SETMAR: variants seen among roughly 807,000 people sequenced by gnomAD.
SETMAR encodes the protein SET and mariner transposase domain methyltransferase.
A neutral mutation model predicts 58.4 loss-of-function variants in SETMAR; 44 were observed. The observed-to-expected ratio is 0.75, with a 90% confidence interval of 0.59 to 0.97. The LOEUF is 0.97. Among genes scored for constraint, SETMAR ranks in the 50% least tolerant of loss-of-function variants. SETMAR has a pLI of 0.00. For missense variants in SETMAR, 903 were observed against 840.2 expected (o/e 1.07, Z -0.92); for synonymous variants, 332 against 307.4 (o/e 1.08, Z -0.84).
chr3:4,310,207 A>G (rs535157350), intron 1 of SETMAR, among the ~76,000 whole-genome samples: 2 of 152,348 alleles, frequency 1.3e-5, no homozygotes, highest in Non-Finnish European at 2.9e-5. Context: ...TCGAAGTTTA[A>G]CCGCGTGGCA....
chr3:4,309,134 A>C (rs942344473), intron 1 of SETMAR, among the ~76,000 whole-genome samples: 11 of 152,212 alleles, frequency 7.2e-5, no homozygotes, highest in Admixed American at 6.5e-4. Context: ...GGTAAGATAA[A>C]GGGTTGTGGA....
At chr3:4,307,856 C>T (rs1049240554) in intron 1 of SETMAR, among the ~76,000 whole-genome samples, 1 of 152,058 alleles carries the variant, frequency 6.6e-6, no homozygotes, top group Non-Finnish European at 1.5e-5. Context: ...TAACAAAGGG[C>T]AACAAAGTGA....
At chr3:4,306,658 C>T (rs1698202990) in intron 1 of SETMAR, among the ~76,000 whole-genome samples, 1 of 152,234 alleles carries the variant, frequency 6.6e-6, no homozygotes, top group South Asian at 2.1e-4. Context: ...GTGCATTCAA[C>T]TCGTTTTCTT....
chr3:4,313,049 G>A lies in SETMAR; in HGVS notation c.308G>A (p.Arg103Lys). 6.2e-7 allele frequency: 1 copy of A among 1,613,982 alleles called. No individual in the cohort carries two copies. The highest frequency in any genetic ancestry group is 8.5e-7 in the Non-Finnish European group (1 of 1,179,954). ...AACTATGATGATAACTCATGCCTTA[G>A]AGATATAGGATCTGGAGGAAAGTAT... ...GENYDDNSCL[R>K]DIGSGGKYAE... is the part of the protein sequence containing the mutation. The change falls in exon 2 of 3, where the codon AGA becomes AAA. Residue 103 changes from arginine to lysine, a missense_variant. Coordinates refer to ENST00000358065, the MANE Select transcript of SETMAR (RefSeq NM_006515.4).
At chr3:4,310,881 G>T (rs1269327170) in intron 1 of SETMAR, among the ~76,000 whole-genome samples, 2 of 152,050 alleles carry the variant, frequency 1.3e-5, no homozygotes, top group South Asian at 2.1e-4. Context: ...TTAACAAAGA[G>T]ATCTTCATTT....
intron 1 of SETMAR, among the ~76,000 whole-genome samples, chr3:4,305,663 T>C (rs2125075652): frequency 6.6e-6 from 1 of 152,258 alleles, no homozygotes; most frequent in Non-Finnish European, 1.5e-5. Flanking sequence ...TGTTATTTGA[T>C]GTTATGCCAG....
At chr3:4,313,859 G>T in intron 2 of SETMAR, 98 bp downstream of exon 2, 2 of 1,557,210 alleles carry the variant, frequency 1.3e-6, no homozygotes, top group South Asian at 1.2e-5. Flanking sequence ...TTTAACTCAG[G>T]AATGTGGCAG....
intron 1 of SETMAR, among the ~76,000 whole-genome samples, chr3:4,312,098 T>TA: frequency 6.6e-6 from 1 of 152,320 alleles, no homozygotes; most frequent in East Asian, 1.9e-4. Context: ...TCTTTACAAG[T>TA]GTATATCTTT....
chr3:4,315,575 T>G (rs1197109218), intron 2 of SETMAR, among the ~76,000 whole-genome samples: 1 of 152,068 alleles, frequency 6.6e-6, no homozygotes, highest in African/African-American at 2.4e-5. Context: ...AAGGTAAGAG[T>G]CAAAGAGTCT....
chr3:4,316,556 G>A lies in SETMAR; in HGVS notation c.1365G>A (p.Lys455=). The A allele has an allele frequency of 6.4e-7, 1 of 1,556,224 alleles. No individual in the cohort carries two copies. Among genetic ancestry groups the A allele is most frequent in the Non-Finnish European group, 8.7e-7 (1 of 1,149,236 alleles). Residue 455 remains lysine, a synonymous_variant, in exon 3 of 3, where the codon AAG becomes AAA. Transcript: ENST00000358065. ...TGAAGCAAATTGGAAAGGTGAAAAA[G>A]CTCGATAAGTGGGTGCCTCATGAGC... is the stretch of plus-strand genomic sequence containing the variant. The part of the protein sequence containing the change: ...RHLKQIGKVK[K]LDKWVPHELT...
At chr3:4,313,917 T>A in intron 2 of SETMAR, 156 bp downstream of exon 2, 2 of 1,348,360 alleles carry the variant, frequency 1.5e-6, no homozygotes, top group Non-Finnish European at 2.0e-6. Flanking sequence ...TGTAATAGAA[T>A]TCTCCATTTA....
At chr3:4,307,969 G>A (rs1013640285) in intron 1 of SETMAR, among the ~76,000 whole-genome samples, 1 of 152,006 alleles carries the variant, frequency 6.6e-6, no homozygotes, top group African/African-American at 2.4e-5. Context: ...CCCAGCAGTT[G>A]GAGCCTGCAG....
At chr3:4,308,435 C>T (rs1698277230) in intron 1 of SETMAR, among the ~76,000 whole-genome samples, 1 of 152,136 alleles carries the variant, frequency 6.6e-6, no homozygotes, top group Non-Finnish European at 1.5e-5. Flanking sequence ...TTGCCAGAAA[C>T]ATATGTTGTT....
At position 4,317,224 on chromosome 3, in the gene SETMAR, G is replaced by T. The variant is rs180978307; in HGVS notation, c.2033G>T (p.Cys678Phe). 1.2e-4 allele frequency: 192 copies of T among 1,543,330 alleles called. 2 individuals are homozygous for T. The East Asian group carries it at 4.6e-3, about 37-fold the overall frequency. The part of the protein sequence containing the change: ...LISRWQKCVD[C>F]NGSYFD ...TCTCGTTGGCAAAAATGTGTTGATTGTAATGGTTCCTATTTTGATTAATAA... is the reference window on the plus strand; with the variant it reads ...TCTCGTTGGCAAAAATGTGTTGATTTTAATGGTTCCTATTTTGATTAATAA... The change falls in exon 3 of 3, where the codon TGT (cysteine) becomes TTT (phenylalanine). Residue 678 changes from cysteine to phenylalanine, a missense_variant. Coordinates refer to ENST00000358065, the MANE Select transcript of SETMAR (RefSeq NM_006515.4).
At chr3:4,309,591 A>G (rs1357737019) in intron 1 of SETMAR, among the ~76,000 whole-genome samples, 2 of 152,150 alleles carry the variant, frequency 1.3e-5, no homozygotes, top group Non-Finnish European at 2.9e-5. Context: ...CAGTAATTCT[A>G]AAAGTATTGT....
Position 4,313,210 on chromosome 3 carries a change from G to A in SETMAR, c.469G>A (p.Glu157Lys). The part of the protein sequence containing the change: ...HKKGWGLRTL[E>K]FIPKGRFVCE... ...AAAAGGCTGGGGACTTCGTACCTTG[G>A]AATTTATACCGAAAGGAAGGTTTGT... is the stretch of plus-strand genomic sequence containing the variant. The change falls in exon 2 of 3, where the codon GAA (glutamate) becomes AAA (lysine). Residue 157 changes from glutamate to lysine, a missense_variant. Transcript: ENST00000358065. 1 of 1,613,940 alleles carries A rather than the reference G, an allele frequency of 6.2e-7. No homozygotes were observed. Among genetic ancestry groups the A allele is most frequent in the South Asian group, 1.1e-5 (1 of 91,080 alleles).
Position 4,303,488 on chromosome 3 carries a change from G to C in SETMAR, c.118G>C (p.Gly40Arg). 6.7e-7 allele frequency: 1 copy of C among 1,497,194 alleles called. No individual in the cohort carries two copies. Among genetic ancestry groups the C allele is most frequent in the Non-Finnish European group, 8.9e-7 (1 of 1,128,474 alleles). The allele number at this position is 1,497,194 out of a possible 1,614,324, so 92.7% of individuals were successfully genotyped here. A position where few individuals can be genotyped will look rare whatever the true frequency, so the allele number is the denominator to read the frequency against. Residue 40 changes from glycine to arginine, a missense_variant, in exon 1 of 3, where the codon GGC becomes CGC. By Grantham distance (125) the Gly-to-Arg change is moderately radical (BLOSUM62 -2). Transcript: ENST00000358065. ...GTGCGGCCAGGAAAACTTGCCGGTG[G>C]GCGCGTGGCCCCCGGGGGCCGCGCC... ...VACGQENLPV[G>R]AWPPGAAPAP...
chr3:4,317,204 T>C lies in SETMAR; in HGVS notation c.2013T>C (p.Arg671=). Residue 671 remains arginine, a synonymous_variant, in exon 3 of 3, where the codon CGT becomes CGC. Coordinates refer to ENST00000358065, the MANE Select transcript of SETMAR (RefSeq NM_006515.4). ...CAGGAATAAACCAACTTATTTCTCGTTGGCAAAAATGTGTTGATTGTAATG... is the reference window on the plus strand; with the variant it reads ...CAGGAATAAACCAACTTATTTCTCGCTGGCAAAAATGTGTTGATTGTAATG... The part of the protein sequence containing the change: ...YATGINQLIS[R]WQKCVDCNGS... 6.5e-7 allele frequency: 1 copy of C among 1,548,292 alleles called. No individual in the cohort carries two copies.
Position 4,313,540 on chromosome 3 carries a change from C to G in SETMAR, c.799C>G (p.Leu267Val). 2 of 1,613,998 alleles carry G rather than the reference C, an allele frequency of 1.2e-6. No individual in the cohort carries two copies. Among genetic ancestry groups the G allele is most frequent in the East Asian group, 4.5e-5 (2 of 44,886 alleles). Residue 267 changes from leucine to valine, a missense_variant, in exon 2 of 3, where the codon CTT becomes GTT. Transcript: ENST00000358065. ...ELSYDYSGRYLNLTVSEDKER... is the reference protein window; with the variant it reads ...ELSYDYSGRYVNLTVSEDKER... Reference sequence around the variant, plus strand: ...CTCTTATGATTATTCAGGAAGATATCTTAATCTAACAGTCAGTGAAGACAA... The same window carrying G: ...CTCTTATGATTATTCAGGAAGATATGTTAATCTAACAGTCAGTGAAGACAA...
Sources: allele counts gnomAD v4.1 joint callset (sites outside exome capture counted in the v4.1 genomes callset), GRCh38; gene constraint gnomAD v4.1.1; transcripts MANE v1.5; gene names NCBI Gene and HGNC (gene_info 2026-07-23, HGNC 2026-07-21).